Variants in LAMC2 observed in about 807,000 individuals in gnomAD.
LAMC2 encodes laminin subunit gamma 2, also known as laminin subunit gamma-2.
Under a neutral mutation model 140.2 loss-of-function variants are expected in LAMC2, and 97 were observed. The observed-to-expected ratio is 0.69, with a 90% CI of 0.59 to 0.82. LAMC2 has a LOEUF of 0.82. Ranked by LOEUF, LAMC2 falls within the 40% of genes least tolerant of loss-of-function variation. The probability of loss-of-function intolerance (pLI) is 0.00; values close to 1 mark genes in which losing one functional copy is unlikely to be tolerated. For synonymous variants in LAMC2, 513 were observed against 540.2 expected, an observed-to-expected ratio of 0.95 and a Z score of 0.70; for missense variants, 1,402 against 1,476.1, an observed-to-expected ratio of 0.95 and a Z score of 0.82.
intron 1 of LAMC2, among the ~76,000 whole-genome samples, chr1:183,199,464 CCTCT>C (rs761155803): frequency 4.0e-5 from 6 of 151,748 alleles, no homozygotes; most frequent in Non-Finnish European, 8.8e-5. Flanking sequence ...TTCCTCCCTC[CCTCT>C]CTTTCTTCCT....
intron 1 of LAMC2, among the ~76,000 whole-genome samples, chr1:183,196,498 C>A (rs1658519978): frequency 6.6e-6 from 1 of 152,172 alleles, no homozygotes; most frequent in African/African-American, 2.4e-5. Flanking sequence ...TCAATAATTG[C>A]TTTTGTACTG....
At chr1:183,191,914 C>G (rs1156939185) in intron 1 of LAMC2, among the ~76,000 whole-genome samples, 3 of 151,896 alleles carry the variant, frequency 2.0e-5, no homozygotes, top group Non-Finnish European at 4.4e-5. Flanking sequence ...CTGGAATACT[C>G]TCATTTAGTC....
At chr1:183,238,907 G>A (rs1660046211) in intron 19 of LAMC2, among the ~76,000 whole-genome samples, 1 of 152,134 alleles carries the variant, frequency 6.6e-6, no homozygotes, top group South Asian at 2.1e-4. Flanking sequence ...TTAGATTTGT[G>A]CCTCGCAGAG....
Position 183,215,544 on chromosome 1 carries a change from C to T in LAMC2, c.360C>T (p.Phe120=), listed in dbSNP as rs760024542. 2 of 1,614,202 alleles carry T rather than the reference C, an allele frequency of 1.2e-6. No individual in the cohort carries two copies. The highest frequency in any genetic ancestry group is 1.7e-6 in the Non-Finnish European group (2 of 1,180,050). ...GARCDRCLPG[F]HMLTDAGCTQ... ...GATGCGACCGATGTCTGCCAGGCTT[C>T]CACATGCTCACGGATGCGGGGTGCA... is the stretch of plus-strand genomic sequence containing the variant. Residue 120 remains phenylalanine (F), a synonymous_variant, in exon 3 of 23, where the codon TTC becomes TTT. Coordinates refer to ENST00000264144, the MANE Select transcript of LAMC2 (RefSeq NM_005562.3).
intron 1 of LAMC2, among the ~76,000 whole-genome samples, chr1:183,200,468 G>A (rs946240413): frequency 2.0e-5 from 3 of 152,070 alleles, no homozygotes; most frequent in African/African-American, 7.2e-5. Flanking sequence ...GAAATTTCTC[G>A]TAATTGTATG....
chr1:183,225,214 A>C (rs1232201652), intron 7 of LAMC2, among the ~76,000 whole-genome samples: 3 of 152,216 alleles, frequency 2.0e-5, no homozygotes, highest in African/African-American at 7.2e-5. Flanking sequence ...TCAGATAACA[A>C]ATAAATGATT....
chr1:183,204,910 C>G (rs1398080891), intron 1 of LAMC2, among the ~76,000 whole-genome samples: 1 of 152,114 alleles, frequency 6.6e-6, no homozygotes, highest in Non-Finnish European at 1.5e-5. Flanking sequence ...GCAACCTCCT[C>G]CTCCCAGGTT....
chr1:183,245,898 G>A (rs1660231775), downstream of LAMC2, among the ~76,000 whole-genome samples: 2 of 152,174 alleles, frequency 1.3e-5, no homozygotes, highest in African/African-American at 4.8e-5. Context: ...GGCTGGGCGC[G>A]GTGGCTCATG....
At chr1:183,205,802 GGT>G (rs3064949) in intron 1 of LAMC2, among the ~76,000 whole-genome samples, 3 of 150,748 alleles carry the variant, frequency 2.0e-5, no homozygotes, top group African/African-American at 2.4e-5. Flanking sequence ...AGAGAGTAGG[GGT>G]GTGTGTGTGT....
At chr1:183,202,495 A>G (rs918718361) in intron 1 of LAMC2, among the ~76,000 whole-genome samples, 2 of 152,240 alleles carry the variant, frequency 1.3e-5, no homozygotes, top group African/African-American at 4.8e-5. Context: ...GTAAAAGAAA[A>G]TCTGCAATAA....
In LAMC2 at chr1:183,239,542, A is replaced by C; in HGVS notation, c.3048A>C (p.Glu1016Asp). 14 of 1,613,710 alleles carry C rather than the reference A, an allele frequency of 8.7e-6. No individual in the cohort carries two copies. The highest frequency in any genetic ancestry group is 1.2e-5 in the Non-Finnish European group (14 of 1,179,878). The change falls in exon 20 of 23, where the codon GAA becomes GAC. Residue 1016 changes from glutamate (E) to aspartate (D), a missense_variant. Transcript: ENST00000264144. ...RAKNGAGEAL[E>D]ISSEIEQEIG... ...AGAATGGGGCCGGGGAGGCCCTGGA[A>C]ATCTCCAGTGAGATTGAACAGGTAA...
At chr1:183,207,569 C>T (rs1165792952) in intron 1 of LAMC2, among the ~76,000 whole-genome samples, 2 of 152,098 alleles carry the variant, frequency 1.3e-5, no homozygotes, top group Admixed American at 6.5e-5. Flanking sequence ...CAGAAATATC[C>T]GCATAAAAAT....
the LAMC2 span, chr1:183,250,957 T>C: frequency 6.6e-6 from 1 of 152,402 alleles, no homozygotes; most frequent in Middle Eastern, 3.4e-3. Flanking sequence ...AGTATCCTAA[T>C]ACTCAGGGAC....
chr1:183,228,228 C>G lies in LAMC2; in HGVS notation c.1469-146C>G. 9.4e-7 allele frequency: 1 copy of G among 1,066,680 alleles called. No individual in the cohort carries two copies. Among genetic ancestry groups the G allele is most frequent in the Non-Finnish European group, 1.4e-6 (1 of 714,448 alleles). 66.1% of individuals were successfully genotyped at this position (1,066,680 alleles called of 1,614,324 possible). A position where few individuals can be genotyped will look rare whatever the true frequency, so the allele number is the denominator to read the frequency against. On this transcript the variant is annotated intron_variant, in intron 10 of 22. Transcript: ENST00000264144. This position sits in a 1 kb window ranked among gnomAD's most constrained non-coding sequence, Gnocchi z 4.3. ...GAGAGGGCCAGCCCTGCCTTGCATG[C>G]CTGCTCCTGAGGGCTTTGTTCTGGG...
intron 1 of LAMC2, among the ~76,000 whole-genome samples, chr1:183,191,227 T>G (rs764300664): frequency 1.3e-5 from 2 of 152,164 alleles, no homozygotes; most frequent in Non-Finnish European, 2.9e-5. Context: ...TTGGAAAAAT[T>G]AAAACCTCTA....
chr1:183,255,215 C>A, the LAMC2 span, among the ~76,000 whole-genome samples: 153 of 152,296 alleles, frequency 1.0e-3, no homozygotes, highest in African/African-American at 3.6e-3. Flanking sequence ...TGTCAAAAAT[C>A]AGTTGACCAT....
At position 183,236,348 on chromosome 1, in the gene LAMC2, C is replaced by T. The variant is rs904536271; in HGVS notation, c.2457-112C>T. 2.1e-5 allele frequency: 21 copies of T among 993,108 alleles called. No individual in the cohort carries two copies. The East Asian group carries it at 3.3e-4, about 15-fold the overall frequency. 61.5% of individuals were successfully genotyped at this position (993,108 alleles called of 1,614,324 possible). ...AGGCTATAGTGAGCTGTGATCACGCCACTGCACTCCAGCCTGGACAACAGA... is the reference window on the plus strand; with the variant it reads ...AGGCTATAGTGAGCTGTGATCACGCTACTGCACTCCAGCCTGGACAACAGA... On this transcript the variant is annotated intron_variant, in intron 16 of 22. Coordinates refer to ENST00000264144, the MANE Select transcript of LAMC2 (RefSeq NM_005562.3).
intron 10 of LAMC2, 108 bp downstream of exon 10, chr1:183,227,805 G>A (rs984981528): frequency 9.7e-6 from 10 of 1,030,472 alleles, no homozygotes; most frequent in Admixed American, 5.9e-5. Context: ...TAATGACTTC[G>A]GGTTCACCCA....
chr1:183,204,175 C>T (rs533737055), intron 1 of LAMC2, among the ~76,000 whole-genome samples: 1 of 152,172 alleles, frequency 6.6e-6, no homozygotes, highest in East Asian at 1.9e-4. Flanking sequence ...TCTGTGGTCC[C>T]AGCTACTCGG....
Sources: allele counts gnomAD v4.1 joint callset (sites outside exome capture counted in the v4.1 genomes callset), GRCh38; gene constraint gnomAD v4.1.1; non-coding constraint Gnocchi (gnomAD v3.1); transcripts MANE v1.5; gene names NCBI Gene and HGNC (gene_info 2026-07-23, HGNC 2026-07-21).